Variants in IL4R observed in about 807,000 individuals in gnomAD.
IL4R encodes interleukin 4 receptor.
IL4R carries 17 observed loss-of-function variants against 41.5 expected under a neutral mutation model. The observed-to-expected ratio is 0.41, with a 90% confidence interval of 0.28 to 0.61. IL4R has a LOEUF of 0.61. IL4R is among the 20% of genes least tolerant of loss of function. The pLI, the probability that IL4R is intolerant of heterozygous loss-of-function variation, is 0.31. For missense variants in IL4R, 974 were observed against 1,043.1 expected (o/e 0.93, Z 0.91); for synonymous variants, 402 against 422.9 (o/e 0.95, Z 0.61).
chr16:27,341,870 A>G (rs1021546453), intron 3 of IL4R, among the ~76,000 whole-genome samples: 1 of 152,188 alleles, frequency 6.6e-6, no homozygotes, highest in Non-Finnish European at 1.5e-5. Flanking sequence ...TTTGTGTGAG[A>G]TAAAGGTGCA....
chr16:27,360,843 TG>T, intron 10 of IL4R, 28 bp downstream of exon 10: 1 of 1,614,188 alleles, frequency 6.2e-7, no homozygotes, highest in Non-Finnish European at 8.5e-7. Context: ...GGTCACAGCC[TG>T]CATGCATTGG....
chr16:27,361,664 G>A (rs1436791708), intron 10 of IL4R, among the ~76,000 whole-genome samples: 3 of 147,780 alleles, frequency 2.0e-5, no homozygotes, highest in Admixed American at 6.8e-5. Flanking sequence ...CCCTCAGGCT[G>A]GAGTGCAGTG....
At chr16:27,320,904 GA>G (rs1455058189) in intron 1 of IL4R, among the ~76,000 whole-genome samples, 1 of 151,920 alleles carries the variant, frequency 6.6e-6, no homozygotes, top group East Asian at 1.9e-4. Context: ...CTCTAACTGG[GA>G]GAAAATCTTC....
rs776391016 is a variant in IL4R, at chr16:27,363,831, G to A, written c.*1G>A. The A allele has an allele frequency of 1.3e-6, 2 of 1,598,434 alleles. No individual in the cohort carries two copies. Among genetic ancestry groups the A allele is most frequent in the African/African-American group, 2.7e-5 (2 of 74,908 alleles). On this transcript the variant is annotated 3_prime_UTR_variant, in exon 11 of 11. Transcript: ENST00000395762. Reference sequence around the variant, plus strand: ...ACCCACATACATGAGGGTCTCTTAGGTGCATGTCCTCTTGTTGCTGAGTCT... The same window carrying A: ...ACCCACATACATGAGGGTCTCTTAGATGCATGTCCTCTTGTTGCTGAGTCT...
At chr16:27,336,293 T>C (rs2085256672) in intron 2 of IL4R, among the ~76,000 whole-genome samples, 1 of 152,042 alleles carries the variant, frequency 6.6e-6, no homozygotes, top group Non-Finnish European at 1.5e-5. Flanking sequence ...AAAAACAGAA[T>C]GGTCGTATGG....
intron 2 of IL4R, among the ~76,000 whole-genome samples, chr16:27,332,913 T>C (rs2085153953): frequency 6.6e-6 from 1 of 152,094 alleles, no homozygotes; most frequent in South Asian, 2.1e-4. Context: ...TTGTGATTTC[T>C]TCTTTGATCC....
intron 10 of IL4R, chr16:27,361,105 A>G (rs191272328): frequency 2.5e-6 from 3 of 1,223,450 alleles, no homozygotes; most frequent in Admixed American, 3.3e-5. Context: ...ACCTAATTGT[A>G]TACTTGTCGG....
chr16:27,359,692 G>C (rs1174058598), intron 9 of IL4R: 2 of 416,780 alleles, frequency 4.8e-6, no homozygotes, highest in Non-Finnish European at 1.0e-5. Context: ...CTGAGCCTCA[G>C]TTTCCTCTTG....
chr16:27,362,153 C>G, intron 10 of IL4R, 99 bp from the exon 11 acceptor site: 1 of 1,122,560 alleles, frequency 8.9e-7, no homozygotes. Context: ...CTGAAGTAGA[C>G]AGCCATCAGG....
chr16:27,352,868 C>T (rs2085926330), intron 7 of IL4R, among the ~76,000 whole-genome samples, 172 bp downstream of exon 7: 1 of 152,200 alleles, frequency 6.6e-6, no homozygotes, highest in African/African-American at 2.4e-5. Flanking sequence ...GCAGGCTAGG[C>T]TGCAGTAACA....
chr16:27,357,455 TTTTAA>T (rs1239001851), intron 8 of IL4R, among the ~76,000 whole-genome samples: 2 of 152,128 alleles, frequency 1.3e-5, no homozygotes, highest in Non-Finnish European at 2.9e-5. Flanking sequence ...AATTTTCTTA[TTTTAA>T]TTTAATTTAA....
Position 27,362,401 on chromosome 16 carries a change from T to C in IL4R, c.1049T>C (p.Val350Ala), listed in dbSNP as rs2086327946. 1 of 1,613,946 alleles carries C rather than the reference T, an allele frequency of 6.2e-7. No individual in the cohort carries two copies. The highest frequency in any genetic ancestry group is 1.3e-5 in the African/African-American group (1 of 74,880). The change falls in exon 11 of 11, where the codon GTC (valine) becomes GCC (alanine). Residue 350 changes from valine (V) to alanine (A), a missense_variant. Transcript: ENST00000395762. ...TGCCCAGTGGAGATCAGCAAGACAG[T>C]CCTCTGGCCAGAGAGCATCAGCGTG... ...AWCPVEISKT[V>A]LWPESISVVR... is the part of the protein sequence containing the mutation.
At chr16:27,355,661 T>C (rs3024636) in intron 7 of IL4R, 147 bp from the exon 8 acceptor site, 40,976 of 594,980 alleles carry the variant, frequency 0.069, 1,705 homozygotes, top group Middle Eastern at 0.11. Flanking sequence ...GGGAGAGTGG[T>C]GGGGAGATGA....
chr16:27,319,379 C>T (rs1164015587), intron 1 of IL4R, among the ~76,000 whole-genome samples: 1 of 152,220 alleles, frequency 6.6e-6, no homozygotes, highest in Non-Finnish European at 1.5e-5. Context: ...GGGTCACACA[C>T]CTGAAGGTGG....
intron 1 of IL4R, among the ~76,000 whole-genome samples, chr16:27,327,293 T>TGCGCCCCCAGTCCTCCGCCCCCTGC (rs1178314311): frequency 1.2e-4 from 19 of 152,106 alleles, no homozygotes; most frequent in Admixed American, 1.0e-3. Flanking sequence ...CCGCCCCCTG[T>TGCGCCCCCAGTCCTCCGCCCCCTGC]GCGCCCCCAG....
chr16:27,343,895 A>G (rs571684333), intron 4 of IL4R, among the ~76,000 whole-genome samples: 3 of 152,260 alleles, frequency 2.0e-5, no homozygotes, highest in African/African-American at 7.2e-5. Flanking sequence ...AAGGAAGAGA[A>G]GTTACTTAAT....
chr16:27,331,897 C>T (rs1335400883), intron 2 of IL4R, among the ~76,000 whole-genome samples: 1 of 152,118 alleles, frequency 6.6e-6, no homozygotes, highest in Non-Finnish European at 1.5e-5. Context: ...GTTGCCTACA[C>T]ATTAAGGATT....
At chr16:27,351,531 C>T (rs1393384693) in intron 6 of IL4R, among the ~76,000 whole-genome samples, 5 of 46,930 alleles carry the variant, frequency 1.1e-4, no homozygotes, top group East Asian at 6.5e-4. Flanking sequence ...TTTTTTTTTC[C>T]GAGACGAAGT....
chr16:27,339,890 C>G (rs1023365265), intron 2 of IL4R, among the ~76,000 whole-genome samples: 3 of 152,114 alleles, frequency 2.0e-5, no homozygotes, highest in African/African-American at 7.2e-5. Flanking sequence ...AACCCCGTCT[C>G]TACTAAAAAT....
Sources: gnomAD v4.1 joint callset for allele counts (sites outside exome capture counted in the v4.1 genomes callset) on GRCh38, gnomAD v4.1.1 for gene constraint, MANE v1.5 for transcripts, NCBI Gene and HGNC (gene_info 2026-07-23, HGNC 2026-07-21) for gene names.